Variants in HSF4 observed in about 807,000 individuals in gnomAD.
HSF4 encodes heat shock factor protein 4.
HSF4 carries 41 observed loss-of-function variants against 52.0 expected under a neutral mutation model. The ratio of observed to expected loss-of-function variants is 0.79; its 90% confidence interval spans 0.61 to 1.02. HSF4 has a LOEUF of 1.02. Among genes scored for constraint, HSF4 ranks in the 50% least tolerant of loss-of-function variants. The pLI is 0.00. For missense variants in HSF4, 610 were observed against 651.1 expected (o/e 0.94, Z 0.69); for synonymous variants, 285 against 273.0 (o/e 1.04, Z -0.43).
chr16:67,166,843 T>G (rs2031340622), intron 6 of HSF4, among the ~76,000 whole-genome samples: 2 of 151,444 alleles, frequency 1.3e-5, no homozygotes, highest in African/African-American at 4.9e-5. Flanking sequence ...ATTCCCAAAT[T>G]CCTACCCCAG....
In HSF4 at chr16:67,169,168, TTC is replaced by T. The variant is rs2031549292; in HGVS notation, c.1254+71_1254+72del. 2 of 1,606,136 alleles carry T rather than the reference TTC, an allele frequency of 1.2e-6. No individual in the cohort carries two copies. The highest frequency in any genetic ancestry group is 2.7e-5 in the African/African-American group (2 of 74,966). ...AGTCAAGCCCTCTGGTCCATAGCTG[TTC>T]TCTGTGAGCCAAAGCCGTGTCTCTA... On this transcript the variant is annotated intron_variant, in intron 11 of 12. Transcript: ENST00000521374. The surrounding 1 kb of genome is among the most constrained non-coding windows in gnomAD (Gnocchi z 4.3).
Position 67,165,822 on chromosome 16 carries a change from G to A in HSF4, c.336G>A (p.Gln112=), listed in dbSNP as rs752157414. The A allele has an allele frequency of 1.2e-6, 2 of 1,606,598 alleles. No individual in the cohort carries two copies. Among genetic ancestry groups the A allele is most frequent in the Middle Eastern group, 1.7e-4 (1 of 6,056 alleles). ...CGAGCTTCGTGCGCGGCCGCGAGCAGCTACTGGAGCGCGTGCGGCGCAAGG... is the reference window on the plus strand; with the variant it reads ...CGAGCTTCGTGCGCGGCCGCGAGCAACTACTGGAGCGCGTGCGGCGCAAGG... ...QHPSFVRGRE[Q]LLERVRRKVP... The change falls in exon 3 of 13, where the codon CAG becomes CAA. Residue 112 remains glutamine, a synonymous_variant. Coordinates refer to ENST00000521374, the MANE Select transcript of HSF4 (RefSeq NM_001374675.1). This position sits in a 1 kb window ranked among gnomAD's most constrained non-coding sequence, Gnocchi z 6.9.
rs776325540 is a variant in HSF4, at chr16:67,165,974, G to A, written c.389G>A (p.Arg130His). 2 of 1,556,576 alleles carry A rather than the reference G, an allele frequency of 1.3e-6. No homozygotes were observed. Among genetic ancestry groups the A allele is most frequent in the Non-Finnish European group, 8.6e-7 (1 of 1,159,894 alleles). ...CCCGCGCTGCGCGGCGACGACGGCC[G>A]CTGGCGCCCGGAGGACCTGGGTCGA... ...KVPALRGDDG[R>H]WRPEDLGRLL... The change falls in exon 4 of 13, where the codon CGC (arginine) becomes CAC (histidine). Residue 130 changes from arginine to histidine, a missense_variant. Coordinates refer to ENST00000521374, the MANE Select transcript of HSF4 (RefSeq NM_001374675.1). The surrounding 1 kb of genome is among the most constrained non-coding windows in gnomAD (Gnocchi z 6.9).
At position 67,169,931 on chromosome 16, in the gene HSF4, C is replaced by CGTTTT; in HGVS notation, c.*147_*151dup. On this transcript the variant is annotated 3_prime_UTR_variant, in exon 13 of 13. Coordinates refer to ENST00000521374, the MANE Select transcript of HSF4 (RefSeq NM_001374675.1). The surrounding 1 kb of genome is among the most constrained non-coding windows in gnomAD (Gnocchi z 4.3). ...CCCGACTATCCCTGCACATAAACTC[C>CGTTTT]GTTTTTTTTTTTTCTGTTTCTGGTC... 1.3e-6 allele frequency: 1 copy of CGTTTT among 770,620 alleles called. No homozygotes were observed. Among genetic ancestry groups the CGTTTT allele is most frequent in the South Asian group, 1.6e-5 (1 of 62,458 alleles). 47.7% of individuals were successfully genotyped at this position (770,620 alleles called of 1,614,324 possible).
rs562154482 is a variant in HSF4 at position 67,169,826 on chromosome 16, T to G, written c.*41T>G. ...AAGGGGCTTGGAACCAGTCCGCCGCTGCACATCCTTCTTGGCTTCCTGGCG... is the reference window on the plus strand; with the variant it reads ...AAGGGGCTTGGAACCAGTCCGCCGCGGCACATCCTTCTTGGCTTCCTGGCG... On this transcript the variant is annotated 3_prime_UTR_variant, in exon 13 of 13. Transcript: ENST00000521374. The surrounding 1 kb of genome is among the most constrained non-coding windows in gnomAD (Gnocchi z 4.3). The G allele has an allele frequency of 1.2e-6, 2 of 1,612,072 alleles. No individual in the cohort carries two copies. The highest frequency in any genetic ancestry group is 1.1e-5 in the South Asian group (1 of 91,058).
chr16:67,167,251 G>C (rs779608242), intron 7 of HSF4, 29 bp downstream of exon 7: 15 of 1,613,706 alleles, frequency 9.3e-6, no homozygotes, highest in South Asian at 6.6e-5. Context: ...CCCTTCCCAA[G>C]GGCATGGCTG....
In HSF4 at chr16:67,166,330, A is replaced by T; in HGVS notation, c.496A>T (p.Ile166Phe). 6.2e-7 allele frequency: 1 copy of T among 1,612,602 alleles called. No individual in the cohort carries two copies. Among genetic ancestry groups the T allele is most frequent in the Non-Finnish European group, 8.5e-7 (1 of 1,179,330 alleles). Residue 166 changes from isoleucine (I) to phenylalanine (F), a missense_variant, in exon 5 of 13, where the codon ATC (isoleucine) becomes TTC (phenylalanine). Physicochemically the swap from Ile to Phe is conservative, Grantham distance 21. Transcript: ENST00000521374. ...CCACCCCTTCCTCAGGCAGAACGAG[A>T]TCTTGTGGCGGGAGGTGGTGACACT... ...RLRELRQQNE[I>F]LWREVVTLRQ...
upstream of HSF4, chr16:67,163,791 C>T (rs1233942933): frequency 1.3e-6 from 2 of 1,566,278 alleles, no homozygotes; most frequent in Non-Finnish European, 1.7e-6. Context: ...GCGCGAGCCG[C>T]ATCCCTGGAG....
At position 67,167,855 on chromosome 16, in the gene HSF4, G is replaced by A; in HGVS notation, c.990G>A (p.Gln330=). 6.2e-7 allele frequency: 1 copy of A among 1,605,418 alleles called. No individual in the cohort carries two copies. Among genetic ancestry groups the A allele is most frequent in the Non-Finnish European group, 8.5e-7 (1 of 1,176,744 alleles). ...APPPLPVAVV[Q]AILEGKGSFS... is the part of the protein sequence containing the mutation. ...CGCCACTGCCTGTGGCTGTGGTGCA[G>A]GCCATCCTGGAAGGGAAAGGGAGCT... is the stretch of plus-strand genomic sequence containing the variant. Residue 330 remains glutamine (Q), a synonymous_variant, in exon 9 of 13, where the codon CAG becomes CAA. Transcript: ENST00000521374.
chr16:67,165,140 T>C lies in HSF4; in HGVS notation c.123+206T>C, dbSNP rs963860073. ...GTTAGGAGCCTGCCTTCTGAAGACC[T>C]AGAGTCCGAGGGACCTTCGAGGCCA... On this transcript the variant is annotated intron_variant, in intron 1 of 12. Coordinates refer to ENST00000521374, the MANE Select transcript of HSF4 (RefSeq NM_001374675.1). This position sits in a 1 kb window ranked among gnomAD's most constrained non-coding sequence, Gnocchi z 6.9. 11 of 624,716 alleles carry C rather than the reference T, an allele frequency of 1.8e-5. No individual in the cohort carries two copies. The highest frequency in any genetic ancestry group is 4.0e-5 in the South Asian group (2 of 49,698). 38.7% of individuals were successfully genotyped at this position (624,716 alleles called of 1,614,324 possible).
At position 67,165,477 on chromosome 16, in the gene HSF4, C is replaced by G. The variant is rs923458299; in HGVS notation, c.124-45C>G. 3 of 1,572,654 alleles carry G rather than the reference C, an allele frequency of 1.9e-6. No individual in the cohort carries two copies. Among genetic ancestry groups the G allele is most frequent in the Admixed American group, 3.3e-5 (2 of 59,714 alleles). On this transcript the variant is annotated intron_variant, in intron 1 of 12. Coordinates refer to ENST00000521374, the MANE Select transcript of HSF4 (RefSeq NM_001374675.1). This position sits in a 1 kb window ranked among gnomAD's most constrained non-coding sequence, Gnocchi z 6.9. ...TGGCCGTGAGCGGGCACCGCTCACCCTCCTGGTCTCCGCCCGCACGGTGGG... is the reference window on the plus strand; with the variant it reads ...TGGCCGTGAGCGGGCACCGCTCACCGTCCTGGTCTCCGCCCGCACGGTGGG...
Position 67,164,933 on chromosome 16 carries a change from C to T in HSF4, c.122C>T (p.Pro41Leu), listed in dbSNP as rs1304611533. Residue 41 changes from proline to leucine, a missense_variant and splice_region_variant, in exon 1 of 13, where the codon CCG becomes CTG. Pro to Leu is a moderately conservative substitution (Grantham distance 98, BLOSUM62 -3). Transcript: ENST00000521374. ...ACAGACCACCTGATCCGCTGGAGCC[C>T]GGTGAGGGCCGGGGCCCCTCGATTC... ...PGTDHLIRWS[P>L]SGTSFLVSDQ... 3 of 1,603,246 alleles carry T rather than the reference C, an allele frequency of 1.9e-6. No individual in the cohort carries two copies. Among genetic ancestry groups the T allele is most frequent in the Admixed American group, 1.7e-5 (1 of 59,346 alleles).
intron 8 of HSF4, 36 bp downstream of exon 8, chr16:67,167,635 G>A (rs1208480519): frequency 1.1e-5 from 17 of 1,612,496 alleles, no homozygotes; most frequent in Non-Finnish European, 1.4e-5. Flanking sequence ...GGGGCCTGTG[G>A]GGGAGGGCCT....
At position 67,169,351 on chromosome 16, in the gene HSF4, A is replaced by G; in HGVS notation, c.1324+3A>G. On this transcript the variant is annotated splice_donor_region_variant and intron_variant, in intron 12 of 12. Coordinates refer to ENST00000521374, the MANE Select transcript of HSF4 (RefSeq NM_001374675.1). This position sits in a 1 kb window ranked among gnomAD's most constrained non-coding sequence, Gnocchi z 4.3. ...GGGGTTAAATTCTCCAAGCCCAGGT[A>G]ATGGTTGTGATGACTCCTACCTGGG... is the stretch of plus-strand genomic sequence containing the variant. 2 of 1,612,384 alleles carry G rather than the reference A, an allele frequency of 1.2e-6. No individual in the cohort carries two copies. Among genetic ancestry groups the G allele is most frequent in the Non-Finnish European group, 1.7e-6 (2 of 1,179,428 alleles).
intron 6 of HSF4, 26 bp downstream of exon 6, chr16:67,166,648 A>G: frequency 6.2e-7 from 1 of 1,608,656 alleles, no homozygotes; most frequent in Non-Finnish European, 8.5e-7. Context: ...AAGAAGGCCC[A>G]CACCCACTTC....
chr16:67,165,443 G>A lies in HSF4; in HGVS notation c.124-79G>A, dbSNP rs2031186150. 2.3e-6 allele frequency: 3 copies of A among 1,294,222 alleles called. No homozygotes were observed. The highest frequency in any genetic ancestry group is 3.4e-6 in the Non-Finnish European group (3 of 891,642). 80.2% of individuals were successfully genotyped at this position (1,294,222 alleles called of 1,614,324 possible). The stretch of plus-strand genomic sequence containing the variant: ...AGCATGAGTGTGTGCGCGCGCTGGA[G>A]CGCAGGACTGGCCGTGAGCGGGCAC... On this transcript the variant is annotated intron_variant, in intron 1 of 12. Transcript: ENST00000521374. The surrounding 1 kb of genome is among the most constrained non-coding windows in gnomAD (Gnocchi z 6.9).
rs1260137758 is a variant in HSF4, at chr16:67,165,797, C to G, written c.311C>G (p.Pro104Arg). 1.2e-6 allele frequency: 2 copies of G among 1,609,246 alleles called. No individual in the cohort carries two copies. Among genetic ancestry groups the G allele is most frequent in the South Asian group, 2.2e-5 (2 of 91,012 alleles). ...CGCGACCACGTCGAGTTCCAGCACC[C>G]GAGCTTCGTGCGCGGCCGCGAGCAG... ...PERDHVEFQH[P>R]SFVRGREQLL... is the part of the protein sequence containing the mutation. Residue 104 changes from proline to arginine, a missense_variant, in exon 3 of 13, where the codon CCG becomes CGG. Pro to Arg is a moderately radical substitution (Grantham distance 103, BLOSUM62 -2). Coordinates refer to ENST00000521374, the MANE Select transcript of HSF4 (RefSeq NM_001374675.1). This position sits in a 1 kb window ranked among gnomAD's most constrained non-coding sequence, Gnocchi z 6.9.
chr16:67,163,813 T>C, upstream of HSF4: 1 of 1,545,250 alleles, frequency 6.5e-7, no homozygotes, highest in Admixed American at 1.9e-5. Context: ...CCTACGCTCG[T>C]GGCGTGATTG....
At chr16:67,167,433 G>A in intron 7 of HSF4, 42 bp from the exon 8 acceptor site, 1 of 1,613,604 alleles carries the variant, frequency 6.2e-7, no homozygotes, top group Non-Finnish European at 8.5e-7. Context: ...GGCTCTCCCT[G>A]TGCCTACAGG....
Sources: allele counts gnomAD v4.1 joint callset (sites outside exome capture counted in the v4.1 genomes callset), GRCh38; gene constraint gnomAD v4.1.1; non-coding constraint Gnocchi (gnomAD v3.1); transcripts MANE v1.5; gene names NCBI Gene and HGNC (gene_info 2026-07-23, HGNC 2026-07-21).